The following VSTM4 variants were observed in gnomAD, a reference collection of about 807,000 sequenced individuals.
The protein encoded by VSTM4 is V-set and transmembrane domain containing 4, also known as V-set and transmembrane domain-containing protein 4.
Under a neutral mutation model 36.4 loss-of-function variants are expected in VSTM4, and 20 were observed. That is an observed-to-expected ratio of 0.55 (90% CI 0.39 to 0.80). The LOEUF (loss-of-function observed/expected upper bound fraction) is 0.80. VSTM4 is among the 30% of genes least tolerant of loss of function. VSTM4 has a pLI of 0.00. For synonymous variants in VSTM4, 182 were observed against 173.9 expected, an observed-to-expected ratio of 1.05 and a Z score of -0.37; for missense variants, 392 against 404.5, an observed-to-expected ratio of 0.97 and a Z score of 0.26.
At chr10:49,108,271 A>G (rs1175840500) in intron 1 of VSTM4, among the ~76,000 whole-genome samples, 1 of 152,216 alleles carries the variant, frequency 6.6e-6, no homozygotes, top group Admixed American at 6.5e-5. Context: ...AAATTTTGTA[A>G]TTAGTTGCTG....
chr10:49,063,182 T>G (rs1177586302), intron 5 of VSTM4, among the ~76,000 whole-genome samples: 1 of 152,066 alleles, frequency 6.6e-6, no homozygotes, highest in Non-Finnish European at 1.5e-5. Flanking sequence ...CTACTAAACA[T>G]GCAAAAATAT....
chr10:49,018,343 G>A lies in VSTM4; in HGVS notation c.*1307C>T, dbSNP rs1378674021. On this transcript the variant is annotated 3_prime_UTR_variant, in exon 8 of 8. Transcript: ENST00000332853. ...TTTACCCTCAAGAATTCTATGGGAA[G>A]TTAAGTCGTCTTTACACAAACATGG... is the stretch of plus-strand genomic sequence containing the variant. The A allele has an allele frequency of 6.6e-6, 1 of 152,200 alleles. No individual in the cohort carries two copies. The highest frequency in any genetic ancestry group is 1.5e-5 in the Non-Finnish European group (1 of 68,036). 9.4% of individuals were successfully genotyped at this position (152,200 alleles called of 1,614,324 possible).
chr10:49,096,754 A>G (rs956514780), intron 2 of VSTM4, among the ~76,000 whole-genome samples: 6 of 151,734 alleles, frequency 4.0e-5, no homozygotes, highest in South Asian at 2.1e-4. Flanking sequence ...TCCCAGGTCC[A>G]AGTGATTCTC....
At chr10:49,081,241 A>G (rs1243554616) in intron 3 of VSTM4, among the ~76,000 whole-genome samples, 2 of 152,230 alleles carry the variant, frequency 1.3e-5, no homozygotes, top group African/African-American at 4.8e-5. Flanking sequence ...TGAACAACAC[A>G]GTCAGGCTGC....
intron 1 of VSTM4, among the ~76,000 whole-genome samples, chr10:49,115,135 C>A (rs1419767850): frequency 3.3e-5 from 5 of 152,210 alleles, no homozygotes; most frequent in African/African-American, 1.2e-4. Flanking sequence ...TGCTGCATCT[C>A]CCCTCGGGGC....
intron 2 of VSTM4, among the ~76,000 whole-genome samples, chr10:49,106,548 G>A (rs1844786058): frequency 6.6e-6 from 1 of 152,218 alleles, no homozygotes; most frequent in South Asian, 2.1e-4. Context: ...GGCTACCCCT[G>A]GTCCTCTGCC....
intron 7 of VSTM4, among the ~76,000 whole-genome samples, chr10:49,020,094 T>C (rs1016291849): frequency 2.0e-5 from 3 of 152,154 alleles, no homozygotes; most frequent in African/African-American, 7.2e-5. Flanking sequence ...ATGTAACTAA[T>C]GGTCTCTGAT....
At chr10:49,049,225 T>C (rs1843660729) in intron 5 of VSTM4, among the ~76,000 whole-genome samples, 1 of 152,188 alleles carries the variant, frequency 6.6e-6, no homozygotes, top group Non-Finnish European at 1.5e-5. Flanking sequence ...CTTGACCCTG[T>C]GTAATTACTG....
chr10:49,039,635 G>GT (rs1843488925), intron 7 of VSTM4, among the ~76,000 whole-genome samples: 1 of 152,116 alleles, frequency 6.6e-6, no homozygotes, highest in Non-Finnish European at 1.5e-5. Context: ...ACTTGCAGAT[G>GT]AGGTGTGGGT....
chr10:49,039,992 G>A (rs1437058724), intron 7 of VSTM4, among the ~76,000 whole-genome samples: 1 of 152,162 alleles, frequency 6.6e-6, no homozygotes, highest in Admixed American at 6.5e-5. Context: ...CAAGGCTTCC[G>A]AAGCTTTGCT....
intron 2 of VSTM4, among the ~76,000 whole-genome samples, chr10:49,087,159 AC>A (rs1257350125): frequency 6.6e-6 from 1 of 152,052 alleles, no homozygotes; most frequent in African/African-American, 2.4e-5. Flanking sequence ...TCTGTGTTTA[AC>A]CTTCTGTACA....
At chr10:49,091,176 G>A (rs1179913857) in intron 2 of VSTM4, among the ~76,000 whole-genome samples, 1 of 152,222 alleles carries the variant, frequency 6.6e-6, no homozygotes, top group Non-Finnish European at 1.5e-5. Context: ...GTGCTCAGAA[G>A]CTAAATTGTC....
At chr10:49,074,676 C>T (rs2131988985) in intron 4 of VSTM4, among the ~76,000 whole-genome samples, 1 of 152,326 alleles carries the variant, frequency 6.6e-6, no homozygotes. Context: ...GGGAGTTGCA[C>T]TCAACCAAAA....
At chr10:49,069,399 C>T (rs568138688) in intron 4 of VSTM4, among the ~76,000 whole-genome samples, 1 of 152,322 alleles carries the variant, frequency 6.6e-6, no homozygotes, top group Admixed American at 6.5e-5. Flanking sequence ...TGCAAGGGGT[C>T]ACAGTACTTC....
chr10:49,020,289 G>C (rs549343374), intron 7 of VSTM4, among the ~76,000 whole-genome samples: 5 of 152,304 alleles, frequency 3.3e-5, no homozygotes, highest in Admixed American at 2.6e-4. Flanking sequence ...GTTTGAAGCA[G>C]TGCTGGGAGA....
At chr10:49,079,045 T>C (rs1438395586) in intron 3 of VSTM4, among the ~76,000 whole-genome samples, 1 of 152,070 alleles carries the variant, frequency 6.6e-6, no homozygotes, top group Admixed American at 6.5e-5. Context: ...TTGGCCAGGT[T>C]GGTCTTGAAC....
intron 4 of VSTM4, among the ~76,000 whole-genome samples, chr10:49,065,432 C>T (rs978055819): frequency 5.3e-5 from 8 of 152,198 alleles, no homozygotes; most frequent in Non-Finnish European, 8.8e-5. Flanking sequence ...TGTACCCCCT[C>T]CCAAACTGAC....
At chr10:49,032,767 C>T (rs74566826) in intron 7 of VSTM4, among the ~76,000 whole-genome samples, 504 of 152,232 alleles carry the variant, frequency 3.3e-3, no homozygotes, top group Non-Finnish European at 5.9e-3. Context: ...CTAGCAAGAA[C>T]ACCTGGGTTC....
intron 2 of VSTM4, among the ~76,000 whole-genome samples, chr10:49,087,838 A>G (rs1368121649): frequency 6.6e-6 from 1 of 151,132 alleles, no homozygotes; most frequent in African/African-American, 2.4e-5. Context: ...CTAACTACCT[A>G]TCTAGTCCTT....
Sources: gnomAD v4.1 joint callset for allele counts (sites outside exome capture counted in the v4.1 genomes callset) on GRCh38, gnomAD v4.1.1 for gene constraint, MANE v1.5 for transcripts, NCBI Gene and HGNC (gene_info 2026-07-23, HGNC 2026-07-21) for gene names.